Variants in DNAJC13 observed in about 807,000 individuals in gnomAD.
DNAJC13 encodes the protein dnaJ homolog subfamily C member 13.
A neutral mutation model predicts 290.5 loss-of-function variants in DNAJC13; 75 were observed. That is an observed-to-expected ratio of 0.26 (90% CI 0.21 to 0.31). The LOEUF is 0.31. DNAJC13 is among the 10% of genes least tolerant of loss of function. The pLI is 1.00. For missense variants in DNAJC13, 2,260 were observed against 2,674.5 expected, an observed-to-expected ratio of 0.85 and a Z score of 3.42; for synonymous variants, 862 against 892.0, an observed-to-expected ratio of 0.97 and a Z score of 0.60.
rs149948370 is a variant in DNAJC13 at position 132,438,598 on chromosome 3, G to C, written c.68+3980G>C. Among the ~76,000 whole-genome samples, 67 of 152,282 alleles carry C rather than the reference G, an allele frequency of 4.4e-4. 1 individual carries two copies. The East Asian group carries it at 0.012, about 28-fold the overall frequency. On this transcript the variant is annotated intron_variant, in intron 2 of 55. Coordinates refer to ENST00000260818, the MANE Select transcript of DNAJC13 (RefSeq NM_015268.4). ...TTTCAGAAAGATTTTATTGATTGTG[G>C]AAGTAAAGATGTATAAATATTTTTT... is the stretch of plus-strand genomic sequence containing the variant.
At chr3:132,502,054 G>A (rs1430498677) in intron 39 of DNAJC13, among the ~76,000 whole-genome samples, 2 of 152,152 alleles carry the variant, frequency 1.3e-5, no homozygotes, top group African/African-American at 4.8e-5. Flanking sequence ...CAAGTCTTCT[G>A]ACATTAGCCT....
chr3:132,523,639 C>T lies in DNAJC13; in HGVS notation c.5986C>T (p.Leu1996=). The T allele has an allele frequency of 6.2e-7, 1 of 1,614,016 alleles. No homozygotes were observed. Among genetic ancestry groups the T allele is most frequent in the Non-Finnish European group, 8.5e-7 (1 of 1,179,952 alleles). ...RIFIAQPAWV[L]RKPREFLIAL... is the part of the protein sequence containing the mutation. The stretch of plus-strand genomic sequence containing the variant: ...CTTTATTGCACAACCAGCCTGGGTT[C>T]TAAGAAAGCCTAGAGAATTTCTTAT... Residue 1996 remains leucine (L), a synonymous_variant, in exon 51 of 56, where the codon CTA becomes TTA. Transcript: ENST00000260818.
At chr3:132,529,133 G>A (rs1936341364) in intron 54 of DNAJC13, among the ~76,000 whole-genome samples, 2 of 151,800 alleles carry the variant, frequency 1.3e-5, no homozygotes. Flanking sequence ...CCAACCTTTG[G>A]CACCCACCAA....
At chr3:132,525,138 C>G (rs1422090717) in intron 51 of DNAJC13, among the ~76,000 whole-genome samples, 1 of 152,010 alleles carries the variant, frequency 6.6e-6, no homozygotes, top group Non-Finnish European at 1.5e-5. Flanking sequence ...GTCAGGAGTT[C>G]GAGACCAGCC....
chr3:132,475,448 G>C (rs958289988), intron 22 of DNAJC13, among the ~76,000 whole-genome samples: 1 of 146,592 alleles, frequency 6.8e-6, no homozygotes, highest in Non-Finnish European at 1.5e-5. Context: ...ATTTTTTTTT[G>C]TGTTAATTGA....
intron 22 of DNAJC13, among the ~76,000 whole-genome samples, chr3:132,477,524 C>G (rs1934512388): frequency 6.6e-6 from 1 of 152,138 alleles, no homozygotes; most frequent in African/African-American, 2.4e-5. Flanking sequence ...TTACGGCAAA[C>G]CCAGTAGGGA....
intron 1 of DNAJC13, among the ~76,000 whole-genome samples, chr3:132,423,386 T>C (rs1939012405): frequency 6.6e-6 from 1 of 152,260 alleles, no homozygotes; most frequent in African/African-American, 2.4e-5. Context: ...TAATATTTCA[T>C]GTATTCTGTA....
rs746262746 is a variant in DNAJC13, at chr3:132,475,058, G to T, written c.2418G>T (p.Val806=). The T allele has an allele frequency of 2.5e-6, 4 of 1,607,902 alleles. No individual in the cohort carries two copies. The South Asian group carries it at 4.4e-5, about 18-fold the overall frequency. Residue 806 remains valine (V), a synonymous_variant, in exon 22 of 56, where the codon GTG becomes GTT. Transcript: ENST00000260818. ...ACAGAGAACTTGGAAGTGCAAATGT[G>T]ATCTCCTGGAACCACCATGAGTTTG... ...NIDRELGSAN[V]ISWNHHEFEV...
In DNAJC13 at chr3:132,495,618, C is replaced by G. The variant is rs1291834937; in HGVS notation, c.4020+452C>G. Among the ~76,000 whole-genome samples the G allele has an allele frequency of 3.3e-5, 5 of 152,100 alleles. No individual in the cohort carries two copies. In the East Asian group the frequency reaches 9.6e-4, roughly 29 times the overall value. ...AGTTCAGATTTTAAATCATCATTCC[C>G]TGATGCCACCTCATCCAATGATGTT... On this transcript the variant is annotated intron_variant, in intron 35 of 55. Transcript: ENST00000260818.
intron 43 of DNAJC13, 82 bp downstream of exon 43, chr3:132,507,435 G>T: frequency 1.2e-6 from 1 of 803,062 alleles, no homozygotes; most frequent in Non-Finnish European, 2.1e-6. Context: ...ACTTTATAGA[G>T]GCACACTTCA....
intron 2 of DNAJC13, among the ~76,000 whole-genome samples, chr3:132,435,970 G>C (rs931698839): frequency 2.6e-5 from 4 of 152,082 alleles, no homozygotes; most frequent in Non-Finnish European, 5.9e-5. Flanking sequence ...TAATAATTCA[G>C]AGTACAACTG....
chr3:132,500,842 G>A lies in DNAJC13; in HGVS notation c.4465G>A (p.Glu1489Lys), dbSNP rs751776598. The A allele has an allele frequency of 6.2e-7, 1 of 1,613,924 alleles. No homozygotes were observed. The highest frequency in any genetic ancestry group is 2.2e-5 in the East Asian group (1 of 44,882). ...KCYSVAAQFEECREKITEMPS... is the reference protein window; with the variant it reads ...KCYSVAAQFEKCREKITEMPS... Reference sequence around the variant, plus strand: ...CTACAGTGTGGCTGCTCAGTTTGAGGAATGCCGAGAGAAGATCACGGAAAT... The same window carrying A: ...CTACAGTGTGGCTGCTCAGTTTGAGAAATGCCGAGAGAAGATCACGGAAAT... Residue 1489 changes from glutamate to lysine, a missense_variant, in exon 39 of 56, where the codon GAA becomes AAA. By Grantham distance (56) the Glu-to-Lys change is moderately conservative (BLOSUM62 1). Transcript: ENST00000260818.
At chr3:132,482,154 A>C (rs1251518908) in intron 26 of DNAJC13, 72 bp from the exon 27 acceptor site, 2 of 1,272,366 alleles carry the variant, frequency 1.6e-6, no homozygotes, top group Non-Finnish European at 2.2e-6. Flanking sequence ...ACTGCTGTGC[A>C]ACTTTGTTTT....
At chr3:132,510,629 A>T (rs530275770) in intron 43 of DNAJC13, among the ~76,000 whole-genome samples, 39 of 152,312 alleles carry the variant, frequency 2.6e-4, no homozygotes, top group Admixed American at 9.8e-4. Context: ...ACTATGCCAT[A>T]ATGTATATCA....
intron 20 of DNAJC13, among the ~76,000 whole-genome samples, chr3:132,468,703 A>G (rs994327811): frequency 4.6e-5 from 7 of 152,196 alleles, no homozygotes; most frequent in Non-Finnish European, 1.0e-4. Flanking sequence ...TACAAGCAAA[A>G]TAATAGTAAA....
intron 21 of DNAJC13, among the ~76,000 whole-genome samples, chr3:132,473,829 C>T (rs1039319385): frequency 3.3e-5 from 5 of 152,286 alleles, no homozygotes; most frequent in South Asian, 2.1e-4. Context: ...CCTTTGAAAA[C>T]TCCCCCACAC....
chr3:132,511,081 T>C lies in DNAJC13; in HGVS notation c.5130T>C (p.Phe1710=), dbSNP rs760231578. ...PTFQLEVPKA[F]AASLLDYIGS... ...GCATTGATTAGGTTCCAAAAGCATT[T>C]GCTGCAAGTCTCTTGGATTATATAG... Residue 1710 remains phenylalanine (F), a synonymous_variant, in exon 44 of 56, where the codon TTT becomes TTC. Coordinates refer to ENST00000260818, the MANE Select transcript of DNAJC13 (RefSeq NM_015268.4). 19 of 1,613,688 alleles carry C rather than the reference T, an allele frequency of 1.2e-5. No individual in the cohort carries two copies. In the South Asian group the frequency reaches 1.6e-4, roughly 14 times the overall value.
chr3:132,454,564 T>C (rs1173079167), intron 9 of DNAJC13, among the ~76,000 whole-genome samples: 1 of 152,036 alleles, frequency 6.6e-6, no homozygotes, highest in Non-Finnish European at 1.5e-5. Flanking sequence ...GGTCTCGAAC[T>C]CCTGACCTCA....
At chr3:132,524,614 G>A (rs1936193875) in intron 51 of DNAJC13, among the ~76,000 whole-genome samples, 1 of 152,210 alleles carries the variant, frequency 6.6e-6, no homozygotes, top group Admixed American at 6.5e-5. Flanking sequence ...TTTAAAACAT[G>A]ATTAGCTTGC....
Sources: allele counts gnomAD v4.1 joint callset (sites outside exome capture counted in the v4.1 genomes callset), GRCh38; gene constraint gnomAD v4.1.1; transcripts MANE v1.5; gene names NCBI Gene and HGNC (gene_info 2026-07-23, HGNC 2026-07-21).